The following ARHGAP26 variants were observed in gnomAD, a reference collection of about 807,000 sequenced individuals.
ARHGAP26 encodes rho GTPase-activating protein 26.
ARHGAP26 carries 38 observed loss-of-function variants against 104.8 expected under a neutral mutation model. That is an observed-to-expected ratio of 0.36 (90% CI 0.28 to 0.48). ARHGAP26 has a LOEUF of 0.48. Among genes scored for constraint, ARHGAP26 ranks in the 20% least tolerant of loss-of-function variants. The pLI is 0.99. For missense variants in ARHGAP26, 704 were observed against 947.9 expected (o/e 0.74, Z 3.38); for synonymous variants, 341 against 340.0 (o/e 1.00, Z -0.03).
At chr5:143,162,405 T>C (rs1801375138) in intron 20 of ARHGAP26, among the ~76,000 whole-genome samples, 1 of 152,070 alleles carries the variant, frequency 6.6e-6, no homozygotes, top group Non-Finnish European at 1.5e-5. Flanking sequence ...GCACTTAAAA[T>C]GTTCAGTTGT....
chr5:143,183,359 G>A (rs1029526938), intron 20 of ARHGAP26, among the ~76,000 whole-genome samples: 2 of 152,150 alleles, frequency 1.3e-5, no homozygotes, highest in Admixed American at 6.5e-5. Context: ...TGATCTTATC[G>A]TGGGGATTGA....
Position 143,056,106 on chromosome 5 carries a change from G to A in ARHGAP26, c.1432+20G>A. The A allele has an allele frequency of 6.3e-7, 1 of 1,598,634 alleles. No individual in the cohort carries two copies. The highest frequency in any genetic ancestry group is 8.6e-7 in the Non-Finnish European group (1 of 1,166,720). On this transcript the variant is annotated intron_variant, in intron 16 of 22. Transcript: ENST00000645722. Reference sequence around the variant, plus strand: ...CAGCAAGTAAGTCTTTTTTGTCTCAGTTTTAAGGGGAAGAGAATAGATTTT... The same window carrying A: ...CAGCAAGTAAGTCTTTTTTGTCTCAATTTTAAGGGGAAGAGAATAGATTTT...
intron 11 of ARHGAP26, among the ~76,000 whole-genome samples, chr5:142,985,898 G>T (rs1365638566): frequency 2.6e-5 from 4 of 152,068 alleles, no homozygotes; most frequent in Non-Finnish European, 5.9e-5. Context: ...TTTAAATCCA[G>T]TCTATCATTG....
At chr5:143,201,381 ATTGT>A (rs1184087629) in intron 20 of ARHGAP26, among the ~76,000 whole-genome samples, 1 of 152,064 alleles carries the variant, frequency 6.6e-6, no homozygotes, top group African/African-American at 2.4e-5. Context: ...TCCTCTTTTA[ATTGT>A]TTGTTATCCT....
rs184594268 is a variant in ARHGAP26, at chr5:143,224,507, G to A, written c.*2061G>A. The A allele has an allele frequency of 2.0e-4, 46 of 230,732 alleles. No individual in the cohort carries two copies. The East Asian group carries it at 2.5e-3, about 12-fold the overall frequency. 14.3% of individuals were successfully genotyped at this position (230,732 alleles called of 1,614,324 possible). On this transcript the variant is annotated 3_prime_UTR_variant, in exon 23 of 23. Transcript: ENST00000645722. ...CTCAGGATTTAAATAAGTGGGGTCAGGCATTCGAGTTTTTGTCTTTCTTCT... is the reference window on the plus strand; with the variant it reads ...CTCAGGATTTAAATAAGTGGGGTCAAGCATTCGAGTTTTTGTCTTTCTTCT...
chr5:142,910,515 G>A (rs781666875), intron 9 of ARHGAP26, among the ~76,000 whole-genome samples: 5 of 152,228 alleles, frequency 3.3e-5, no homozygotes, highest in Non-Finnish European at 5.9e-5. Flanking sequence ...GAGGCAGGTG[G>A]ATCACCTGAG....
intron 17 of ARHGAP26, among the ~76,000 whole-genome samples, chr5:143,072,963 C>T (rs1788486420): frequency 6.6e-6 from 1 of 152,088 alleles, no homozygotes; most frequent in African/African-American, 2.4e-5. Context: ...GGTCTGATCA[C>T]CATACATTAT....
At chr5:143,077,884 G>A (rs965426245) in intron 17 of ARHGAP26, among the ~76,000 whole-genome samples, 1 of 152,072 alleles carries the variant, frequency 6.6e-6, no homozygotes, top group Non-Finnish European at 1.5e-5. Context: ...TCTTTTCTGG[G>A]ATGCAGACTG....
chr5:143,107,988 G>A (rs189173900), intron 17 of ARHGAP26, among the ~76,000 whole-genome samples: 70 of 152,216 alleles, frequency 4.6e-4, no homozygotes, highest in Middle Eastern at 3.4e-3. Flanking sequence ...ATAACAGAAG[G>A]GTTTGTGTGT....
At chr5:143,033,213 G>T (rs1782144329) in intron 12 of ARHGAP26, among the ~76,000 whole-genome samples, 1 of 152,200 alleles carries the variant, frequency 6.6e-6, no homozygotes, top group African/African-American at 2.4e-5. Flanking sequence ...ACCTTTATGT[G>T]TAACATCTGT....
chr5:143,196,893 G>A (rs1009664185), intron 20 of ARHGAP26, among the ~76,000 whole-genome samples: 20 of 152,258 alleles, frequency 1.3e-4, no homozygotes, highest in African/African-American at 4.8e-4. Flanking sequence ...CCCAGATGTT[G>A]ATTTTGAGGT....
intron 17 of ARHGAP26, among the ~76,000 whole-genome samples, chr5:143,116,702 C>A (rs553072995): frequency 2.0e-5 from 3 of 152,324 alleles, no homozygotes; most frequent in Non-Finnish European, 4.4e-5. Context: ...CTCCTTCTGC[C>A]TCTCAAAGGA....
intron 4 of ARHGAP26, among the ~76,000 whole-genome samples, chr5:142,883,508 G>A (rs1024560517): frequency 6.6e-6 from 1 of 152,238 alleles, no homozygotes. Context: ...TCATGGAAAT[G>A]AGTATGTGTC....
intron 3 of ARHGAP26, among the ~76,000 whole-genome samples, chr5:142,876,073 A>G (rs186294633): frequency 6.6e-6 from 1 of 152,312 alleles, no homozygotes; most frequent in East Asian, 1.9e-4. Flanking sequence ...ATTAGCAGAT[A>G]AGAGATTCCA....
chr5:143,105,421 A>ATAAATAAATAAAT (rs1793865554), intron 17 of ARHGAP26, among the ~76,000 whole-genome samples: 1 of 151,562 alleles, frequency 6.6e-6, no homozygotes, highest in African/African-American at 2.4e-5. Flanking sequence ...AAATAAATAA[A>ATAAATAAATAAAT]TATAAAAATA....
intron 14 of ARHGAP26, among the ~76,000 whole-genome samples, chr5:143,043,133 G>A (rs1783715749): frequency 6.6e-6 from 1 of 152,136 alleles, no homozygotes; most frequent in Non-Finnish European, 1.5e-5. Flanking sequence ...ATTTAGTCAA[G>A]ATGCAGAACA....
At chr5:142,838,868 G>T (rs1332277141) in intron 1 of ARHGAP26, among the ~76,000 whole-genome samples, 1 of 152,190 alleles carries the variant, frequency 6.6e-6, no homozygotes, top group Non-Finnish European at 1.5e-5. Context: ...TGTAGAACTG[G>T]ATAGGGACAA....
intron 11 of ARHGAP26, among the ~76,000 whole-genome samples, chr5:142,942,464 GC>G (rs1432167650): frequency 6.6e-6 from 1 of 152,212 alleles, no homozygotes; most frequent in Non-Finnish European, 1.5e-5. Context: ...TGGGCTGTGT[GC>G]CTATACAGTA....
intron 9 of ARHGAP26, among the ~76,000 whole-genome samples, chr5:142,910,399 G>A (rs150201776): frequency 2.8e-4 from 43 of 152,290 alleles, no homozygotes; most frequent in Non-Finnish European, 4.7e-4. Context: ...ATGTCTTCTC[G>A]ATTGTGTAGA....
Sources: allele counts gnomAD v4.1 joint callset (sites outside exome capture counted in the v4.1 genomes callset), GRCh38; gene constraint gnomAD v4.1.1; transcripts MANE v1.5; gene names NCBI Gene and HGNC (gene_info 2026-07-23, HGNC 2026-07-21).